CRYBB2: variants seen among roughly 807,000 people sequenced by gnomAD.
CRYBB2 encodes crystallin beta B2, also known as beta-crystallin B2.
CRYBB2 carries 12 observed loss-of-function variants against 24.3 expected under a neutral mutation model. The observed-to-expected ratio is 0.49, with a 90% CI of 0.32 to 0.80. The LOEUF (loss-of-function observed/expected upper bound fraction) is 0.80, where lower values mean the gene tolerates loss of function less well. CRYBB2 is among the 30% of genes least tolerant of loss of function. The pLI is 0.04. For synonymous variants in CRYBB2, 98 were observed against 101.6 expected (o/e 0.96, Z 0.21); for missense variants, 198 against 268.5 (o/e 0.74, Z 1.83).
upstream of CRYBB2, among the ~76,000 whole-genome samples, chr22:25,218,794 G>GAAAGAA (rs1386821579): frequency 3.2e-5 from 3 of 93,774 alleles, no homozygotes; most frequent in African/African-American, 1.4e-4. Flanking sequence ...AAGAAAGAAA[G>GAAAGAA]AAAGAAAGAA....
intron 3 of CRYBB2, among the ~76,000 whole-genome samples, chr22:25,226,103 G>A (rs1025845482): frequency 1.1e-4 from 16 of 151,676 alleles, no homozygotes; most frequent in African/African-American, 1.9e-4. Context: ...GCAAAAAACC[G>A]TATGACTTGT....
upstream of CRYBB2, among the ~76,000 whole-genome samples, chr22:25,217,450 T>C (rs1384152854): frequency 1.3e-5 from 2 of 152,176 alleles, no homozygotes; most frequent in Non-Finnish European, 2.9e-5. Flanking sequence ...CCCGAGTAGC[T>C]GGGATTACAG....
chr22:25,214,719 A>T (rs925567388), upstream of CRYBB2, among the ~76,000 whole-genome samples: 1 of 152,216 alleles, frequency 6.6e-6, no homozygotes, highest in African/African-American at 2.4e-5. Flanking sequence ...TATAATGTCC[A>T]TGGGCCAAAA....
At chr22:25,219,273 A>G (rs1417658182), upstream of CRYBB2, among the ~76,000 whole-genome samples, 2 of 152,114 alleles carry the variant, frequency 1.3e-5, no homozygotes, top group Non-Finnish European at 1.5e-5. Flanking sequence ...ACTCTGCCAA[A>G]CCACCCTTCT....
rs772888950 is a variant in CRYBB2 at position 25,231,679 on chromosome 22, C to G, written c.525C>G (p.Ser175Arg). The change falls in exon 6 of 6, where the codon AGC (serine) becomes AGG (arginine). Residue 175 changes from serine (S) to arginine (R), a missense_variant. Transcript: ENST00000398215. The stretch of plus-strand genomic sequence containing the variant: ...AGAAGGGAGACTACAAGGACAGCAG[C>G]GACTTTGGGGCCCCTCACCCCCAGG... Reference protein sequence around the residue: ...LLEKGDYKDSSDFGAPHPQVQ... With the variant: ...LLEKGDYKDSRDFGAPHPQVQ... 1 of 1,614,138 alleles carries G rather than the reference C, an allele frequency of 6.2e-7. No homozygotes were observed. Among genetic ancestry groups the G allele is most frequent in the South Asian group, 1.1e-5 (1 of 91,084 alleles).
upstream of CRYBB2, among the ~76,000 whole-genome samples, chr22:25,218,777 GAGAAGAAAGAAAGAAAGA>G (rs1935250501): frequency 3.8e-5 from 1 of 26,060 alleles, no homozygotes; most frequent in Non-Finnish European, 6.5e-5. Flanking sequence ...GAGAGAGAGA[GAGAAGAAAGAAAGAAAGA>G]AAGAAAGAAA....
upstream of CRYBB2, among the ~76,000 whole-genome samples, chr22:25,212,066 A>C (rs1935112962): frequency 6.6e-6 from 1 of 152,256 alleles, no homozygotes; most frequent in Non-Finnish European, 1.5e-5. Flanking sequence ...TTTACTTTGC[A>C]GAAAGGGCTT....
intron 2 of CRYBB2, among the ~76,000 whole-genome samples, chr22:25,221,846 C>A (rs1466650318): frequency 6.6e-6 from 1 of 152,200 alleles, no homozygotes; most frequent in African/African-American, 2.4e-5. Context: ...TGGCTCTGCA[C>A]CTGCTGTGTG....
At chr22:25,222,963 T>G (rs561830473) in intron 2 of CRYBB2, among the ~76,000 whole-genome samples, 1 of 152,298 alleles carries the variant, frequency 6.6e-6, no homozygotes, top group East Asian at 1.9e-4. Flanking sequence ...ACTAATTACA[T>G]GTGCTCAGTA....
At chr22:25,223,519 G>A (rs1935356033) in intron 2 of CRYBB2, among the ~76,000 whole-genome samples, 1 of 152,166 alleles carries the variant, frequency 6.6e-6, no homozygotes, top group African/African-American at 2.4e-5. Context: ...GCAACTGGAT[G>A]TAACAGAGGA....
At chr22:25,227,707 G>T in intron 3 of CRYBB2, 146 bp from the exon 4 acceptor site, 2 of 1,367,470 alleles carry the variant, frequency 1.5e-6, no homozygotes, top group Non-Finnish European at 2.0e-6. Flanking sequence ...ACTTGGATTT[G>T]CTGTGCTAAG....
chr22:25,214,335 C>T (rs1935140911), intron 1 of CRYBB2, among the ~76,000 whole-genome samples: 1 of 152,188 alleles, frequency 6.6e-6, no homozygotes, highest in African/African-American at 2.4e-5. Flanking sequence ...AAGACCCTAT[C>T]TCAAATTTTT....
At chr22:25,218,795 A>AAAGAAAGAAAGAAAGG (rs1459152566), upstream of CRYBB2, among the ~76,000 whole-genome samples, 1 of 115,586 alleles carries the variant, frequency 8.7e-6, no homozygotes, top group Non-Finnish European at 1.8e-5. Context: ...AGAAAGAAAG[A>AAAGAAAGAAAGAAAGG]AAGAAAGAAA....
At chr22:25,214,201 AG>A (rs1475615558) in intron 1 of CRYBB2, among the ~76,000 whole-genome samples, 1 of 152,184 alleles carries the variant, frequency 6.6e-6, no homozygotes, top group Non-Finnish European at 1.5e-5. Context: ...AGCTGTGCAC[AG>A]ATGTGAAAAC....
At chr22:25,224,123 C>CAAAA (rs747390495) in intron 2 of CRYBB2, among the ~76,000 whole-genome samples, 2 of 62,454 alleles carry the variant, frequency 3.2e-5, no homozygotes, top group African/African-American at 5.9e-5. Context: ...GACTCCGTCT[C>CAAAA]AAAAAAAAAA....
chr22:25,226,576 GTTTAAGTTTTTCAGTTACTGGATA>G (rs1447601800), intron 3 of CRYBB2, among the ~76,000 whole-genome samples: 1 of 152,214 alleles, frequency 6.6e-6, no homozygotes, highest in Non-Finnish European at 1.5e-5. Context: ...ATTGTAGGAT[GTTTAAGTTTTTCAGTTACTGGATA>G]TTATAAACAA....
At chr22:25,218,055 C>T (rs556366394), upstream of CRYBB2, among the ~76,000 whole-genome samples, 13 of 150,952 alleles carry the variant, frequency 8.6e-5, no homozygotes, top group Admixed American at 2.6e-4. Flanking sequence ...GTCAGGAGAT[C>T]GAGACCATCC....
intron 4 of CRYBB2, among the ~76,000 whole-genome samples, chr22:25,228,476 T>TGAG (rs1935462550): frequency 6.6e-6 from 1 of 151,042 alleles, no homozygotes; most frequent in Non-Finnish European, 1.5e-5. Flanking sequence ...CGTGCCAGTG[T>TGAG]GAGTTTTCAG....
chr22:25,218,812 A>AAGAAAGAAAGAAAGAAAGAAAGAAAG (rs1935262823), upstream of CRYBB2, among the ~76,000 whole-genome samples: 1 of 133,160 alleles, frequency 7.5e-6, no homozygotes, highest in South Asian at 2.8e-4. Context: ...GAAAGAAAGA[A>AAGAAAGAAAGAAAGAAAGAAAGAAAG]AGAAAGAAAG....
Sources: gnomAD v4.1 joint callset for allele counts (sites outside exome capture counted in the v4.1 genomes callset) on GRCh38, gnomAD v4.1.1 for gene constraint, MANE v1.5 for transcripts, NCBI Gene and HGNC (gene_info 2026-07-23, HGNC 2026-07-21) for gene names.